PAX6: variants seen among roughly 807,000 people sequenced by gnomAD.
PAX6 encodes the protein paired box protein Pax-6.
In PAX6, 7 loss-of-function variants were observed where a neutral mutation model predicts 60.7. The observed-to-expected ratio is 0.12, with a 90% CI of 0.07 to 0.22. The LOEUF (loss-of-function observed/expected upper bound fraction) is 0.22, where lower values mean the gene tolerates loss of function less well. Ranked by LOEUF, PAX6 falls within the 10% of genes least tolerant of loss-of-function variation. The probability of loss-of-function intolerance (pLI) is 1.00; values close to 1 mark genes in which losing one functional copy is unlikely to be tolerated. For synonymous variants in PAX6, 208 were observed against 201.2 expected (o/e 1.03, Z -0.29); for missense variants, 355 against 555.2 (o/e 0.64, Z 3.62).
intron 7 of PAX6, 66 bp downstream of exon 7, chr11:31,801,495 G>A: frequency 6.2e-7 from 1 of 1,611,768 alleles, no homozygotes; most frequent in Non-Finnish European, 8.5e-7. Context: ...GAGAGGGTGG[G>A]AGGAGGTAAA....
intron 13 of PAX6, chr11:31,790,419 C>G (rs1253793354): frequency 7.6e-7 from 1 of 1,308,824 alleles, no homozygotes; most frequent in Non-Finnish European, 9.8e-7. Flanking sequence ...TCAGTGGGCC[C>G]CCTACTGAGC....
intron 2 of PAX6, chr11:31,808,353 A>G (rs1956331184): frequency 6.6e-6 from 1 of 152,230 alleles, no homozygotes; most frequent in South Asian, 2.1e-4. Flanking sequence ...GCCACAGCAG[A>G]GGGTTACTAG....
chr11:31,801,726 G>T lies in PAX6; in HGVS notation c.234C>A (p.Gly78=), dbSNP rs1241627165. ...SKILGRYYET[G]SIRPRAIGGS... is the part of the protein sequence containing the mutation. ...CACCGATTGCCCTGGGTCTGATGGA[G>T]CCAGTCTCGTAATACCTGCCCAGAA... Residue 78 remains glycine (G), a synonymous_variant, in exon 7 of 14, where the codon GGC becomes GGA. Coordinates refer to ENST00000640368, the MANE Select transcript of PAX6 (RefSeq NM_001368894.2). The T allele has an allele frequency of 1.9e-6, 3 of 1,614,170 alleles. No individual in the cohort carries two copies. Among genetic ancestry groups the T allele is most frequent in the Admixed American group, 1.7e-5 (1 of 60,028 alleles).
chr11:31,801,128 C>G (rs1953695689), intron 7 of PAX6: 2 of 954,532 alleles, frequency 2.1e-6, no homozygotes, highest in Non-Finnish European at 3.0e-6. Context: ...GGTTGCTTTG[C>G]TTTGTTAAAA....
At chr11:31,791,910 T>C (rs1286382113) in intron 12 of PAX6, 1 of 152,270 alleles carries the variant, frequency 6.6e-6, no homozygotes, top group Non-Finnish European at 1.5e-5. Context: ...TGAATGCATG[T>C]ACTTTTTGAA....
intron 12 of PAX6, chr11:31,792,536 C>T (rs1456888126): frequency 6.6e-6 from 1 of 152,426 alleles, no homozygotes; most frequent in Non-Finnish European, 1.5e-5. Context: ...TGGCCAATAT[C>T]GTACCATCTA....
chr11:31,790,582 C>G (rs1346826313), intron 13 of PAX6, 128 bp downstream of exon 13: 33 of 1,540,922 alleles, frequency 2.1e-5, no homozygotes, highest in Non-Finnish European at 2.9e-5. Flanking sequence ...TTTTCAATCC[C>G]CATCCCCCAG....
intron 8 of PAX6, among the ~76,000 whole-genome samples, chr11:31,797,545 T>C (rs544138747): frequency 8.2e-5 from 12 of 146,518 alleles, no homozygotes; most frequent in African/African-American, 1.3e-4. Context: ...GAAGCGGGGA[T>C]TGGAATTCCA....
At chr11:31,802,166 C>CA in intron 5 of PAX6, 2 of 507,684 alleles carry the variant, frequency 3.9e-6, no homozygotes, top group Non-Finnish European at 6.9e-6. Context: ...TTTTAAAGAA[C>CA]AAAGGTAAAA....
intron 1 of PAX6, chr11:31,816,511 G>T (rs1036602484): frequency 1.4e-6 from 1 of 702,426 alleles, no homozygotes; most frequent in Admixed American, 2.0e-5. Context: ...AATGAGGGAG[G>T]AGGCCCGAGG....
chr11:31,802,600 TG>T (rs955606698), intron 5 of PAX6, 103 bp downstream of exon 5: 37 of 1,133,940 alleles, frequency 3.3e-5, no homozygotes, highest in Non-Finnish European at 3.7e-5. Flanking sequence ...TGGGTGAGGG[TG>T]GGGGGGTCCA....
chr11:31,814,734 C>T (rs1957289707), upstream of PAX6: 1 of 152,542 alleles, frequency 6.6e-6, no homozygotes, highest in South Asian at 2.1e-4. Context: ...TCCCCCACTT[C>T]CAGGCCTTTG....
intron 12 of PAX6, chr11:31,793,197 G>T: frequency 1.5e-6 from 1 of 672,398 alleles, no homozygotes; most frequent in South Asian, 1.6e-5. Flanking sequence ...TATAATAAAA[G>T]GCAGATCAAC....
In PAX6 at chr11:31,789,480, C is replaced by G. The variant is rs1592343300; in HGVS notation, c.*454G>C. 6 of 502,160 alleles carry G rather than the reference C, an allele frequency of 1.2e-5. No homozygotes were observed. In the East Asian group the frequency reaches 1.3e-4, roughly 11 times the overall value. 31.1% of individuals were successfully genotyped at this position (502,160 alleles called of 1,614,324 possible). A position where few individuals can be genotyped will look rare whatever the true frequency, so the allele number is the denominator to read the frequency against. ...AAGGAATGATACAAACTTGGAACAT[C>G]AGTCCATAAACTATGAACAGATGGG... On this transcript the variant is annotated 3_prime_UTR_variant, in exon 14 of 14. Transcript: ENST00000640368.
chr11:31,796,662 A>AAAAAGAGGGCGATGGAGGGG (rs796861033), intron 8 of PAX6, among the ~76,000 whole-genome samples: 36 of 151,852 alleles, frequency 2.4e-4, no homozygotes, highest in African/African-American at 3.1e-4. Flanking sequence ...CGATGGAGGG[A>AAAAAGAGGGCGATGGAGGGG]AAAAGAGGGC....
At chr11:31,806,072 C>G in intron 4 of PAX6, 1 of 411,760 alleles carries the variant, frequency 2.4e-6, no homozygotes, top group East Asian at 4.1e-5. Flanking sequence ...CCCAGCCCCT[C>G]TCTCCGGGGT....
intron 4 of PAX6, chr11:31,803,041 GT>G: frequency 1.6e-6 from 1 of 626,542 alleles, no homozygotes; most frequent in East Asian, 2.8e-5. Context: ...TCGGCGGTCA[GT>G]TCCCTGCTAT....
At chr11:31,800,482 A>T in intron 8 of PAX6, 1 of 698,352 alleles carries the variant, frequency 1.4e-6, no homozygotes, top group South Asian at 1.6e-5. Context: ...CTCCTGACAT[A>T]CACAACCCTC....
rs1956987224 is a variant in PAX6 at position 31,811,237 on chromosome 11, C to T, written c.-439G>A. The T allele has an allele frequency of 1.5e-5, 6 of 399,126 alleles. No individual in the cohort carries two copies. Among genetic ancestry groups the T allele is most frequent in the Admixed American group, 4.4e-5 (1 of 22,728 alleles). 24.7% of individuals were successfully genotyped at this position (399,126 alleles called of 1,614,324 possible). On this transcript the variant is annotated 5_prime_UTR_variant, in exon 1 of 14. Coordinates refer to ENST00000640368, the MANE Select transcript of PAX6 (RefSeq NM_001368894.2). ...CCTCTGTCATCATCCTCCAGCAAAA[C>T]ACTTCCTCCTGCGCCTGAACCAGAG...
Sources: allele counts gnomAD v4.1 joint callset (sites outside exome capture counted in the v4.1 genomes callset), GRCh38; gene constraint gnomAD v4.1.1; transcripts MANE v1.5; gene names NCBI Gene and HGNC (gene_info 2026-07-23, HGNC 2026-07-21).